DMRT1: variants seen among roughly 807,000 people sequenced by gnomAD.
DMRT1 encodes doublesex- and mab-3-related transcription factor 1.
A neutral mutation model predicts 32.3 loss-of-function variants in DMRT1; 7 were observed. The ratio of observed to expected loss-of-function variants is 0.22; its 90% CI spans 0.12 to 0.41. DMRT1 has a LOEUF of 0.41. Ranked by LOEUF, DMRT1 falls within the 10% of genes least tolerant of loss-of-function variation. The pLI is 1.00. For missense variants in DMRT1, 625 were observed against 500.5 expected (o/e 1.25, Z -2.37); for synonymous variants, 278 against 206.1 (o/e 1.35, Z -2.99).
chr9:873,185 C>G (rs1589481939), intron 2 of DMRT1, among the ~76,000 whole-genome samples: 1 of 152,204 alleles, frequency 6.6e-6, no homozygotes, highest in Non-Finnish European at 1.5e-5. Context: ...TGCATCTTCT[C>G]ATGCACTTTG....
intron 2 of DMRT1, among the ~76,000 whole-genome samples, chr9:849,625 G>T (rs1323265): frequency 0.018 from 2,701 of 152,116 alleles, 67 homozygotes; most frequent in African/African-American, 0.055. Flanking sequence ...GAGGGTTCAG[G>T]GTCAAGGAGG....
intron 3 of DMRT1, among the ~76,000 whole-genome samples, chr9:908,013 A>G (rs1465255256): frequency 3.3e-5 from 5 of 152,214 alleles, no homozygotes; most frequent in Non-Finnish European, 7.3e-5. Flanking sequence ...TGAACAACAC[A>G]AGTTAAAAAA....
intron 4 of DMRT1, among the ~76,000 whole-genome samples, chr9:938,697 A>G (rs1042061288): frequency 5.3e-5 from 8 of 152,172 alleles, no homozygotes; most frequent in African/African-American, 1.7e-4. Context: ...GTGAACAAAG[A>G]TAATTGTACT....
rs1478786454 is a variant in DMRT1 at position 858,864 on chromosome 9, AAAAAAAATATAT to A, written c.538+11723_538+11734del. ...ACTCCAGTCTGTCTCAAAAAAAAAA[AAAAAAAATATAT>A]ATATATATATATATATATTTATCAT... is the stretch of plus-strand genomic sequence containing the variant. On this transcript the variant is annotated intron_variant, in intron 2 of 4. Coordinates refer to ENST00000382276, the MANE Select transcript of DMRT1 (RefSeq NM_021951.3). Among the ~76,000 whole-genome samples, 78 of 29,048 alleles carry A rather than the reference AAAAAAAATATAT, an allele frequency of 2.7e-3. 1 individual carries two copies. The highest frequency in any genetic ancestry group is 5.3e-3 in the African/African-American group (67 of 12,678). 19.1% of individuals were successfully genotyped at this position (29,048 alleles called of 152,430 possible). A position where few individuals can be genotyped will look rare whatever the true frequency, so the allele number is the denominator to read the frequency against.
intron 1 of DMRT1, among the ~76,000 whole-genome samples, chr9:846,040 T>C (rs923155892): frequency 7.9e-5 from 12 of 151,766 alleles, no homozygotes; most frequent in Non-Finnish European, 1.5e-4. Context: ...CCTTTTTTTT[T>C]TTTTTTTTGG....
chr9:923,402 A>T (rs10739185), intron 4 of DMRT1, among the ~76,000 whole-genome samples: 1 of 151,896 alleles, frequency 6.6e-6, no homozygotes, highest in East Asian at 1.9e-4. Flanking sequence ...GGCAGTACCA[A>T]ATGCTTCCCT....
chr9:894,906 T>G (rs1440644308), intron 3 of DMRT1: 2 of 152,376 alleles, frequency 1.3e-5, no homozygotes, highest in African/African-American at 4.8e-5. Context: ...TTCTGCCTCC[T>G]GGGTTCAAGT....
chr9:844,884 T>C (rs1564191508), intron 1 of DMRT1, among the ~76,000 whole-genome samples: 1 of 151,720 alleles, frequency 6.6e-6, no homozygotes, highest in Non-Finnish European at 1.5e-5. Flanking sequence ...CCACACCCGG[T>C]TAATTTTTGT....
intron 2 of DMRT1, among the ~76,000 whole-genome samples, chr9:872,648 C>T (rs1816324046): frequency 6.6e-6 from 1 of 152,220 alleles, no homozygotes; most frequent in Non-Finnish European, 1.5e-5. Context: ...TAGCATGTTT[C>T]AGGACATCAG....
intron 4 of DMRT1, among the ~76,000 whole-genome samples, chr9:958,906 A>G (rs1374121631): frequency 1.3e-5 from 2 of 152,138 alleles, no homozygotes; most frequent in African/African-American, 4.8e-5. Flanking sequence ...CCAAAACTGT[A>G]ATCCTTTTTC....
intron 3 of DMRT1, among the ~76,000 whole-genome samples, chr9:913,275 C>G (rs565121580): frequency 6.6e-6 from 1 of 152,282 alleles, no homozygotes; most frequent in South Asian, 2.1e-4. Context: ...ATGTGACAAA[C>G]TCAGCCCCCA....
In DMRT1 at chr9:968,223, C is replaced by G. The variant is rs1166031277; in HGVS notation, c.*84C>G. The G allele has an allele frequency of 1.3e-5, 19 of 1,498,364 alleles. No individual in the cohort carries two copies. Among genetic ancestry groups the G allele is most frequent in the Non-Finnish European group, 1.6e-5 (18 of 1,093,440 alleles). The allele number at this position is 1,498,364 out of a possible 1,614,324, so 92.8% of individuals were successfully genotyped here. On this transcript the variant is annotated 3_prime_UTR_variant, in exon 5 of 5. Coordinates refer to ENST00000382276, the MANE Select transcript of DMRT1 (RefSeq NM_021951.3). ...GGGGTTTGTTAATATTTTGCATTGA[C>G]TCATACTATCTTAACTGTTGAGAAC...
chr9:855,599 G>C (rs1304821666), intron 2 of DMRT1, among the ~76,000 whole-genome samples: 1 of 152,206 alleles, frequency 6.6e-6, no homozygotes, highest in Non-Finnish European at 1.5e-5. Context: ...TTTTTGTTCT[G>C]TGATATTTTA....
chr9:957,341 A>G (rs934590961), intron 4 of DMRT1, among the ~76,000 whole-genome samples: 9 of 152,252 alleles, frequency 5.9e-5, no homozygotes, highest in Non-Finnish European at 1.3e-4. Context: ...TCTTGGGGCT[A>G]ATTGGACAGA....
chr9:849,467 A>G (rs1190258225), intron 2 of DMRT1, among the ~76,000 whole-genome samples: 1 of 152,250 alleles, frequency 6.6e-6, no homozygotes, highest in Non-Finnish European at 1.5e-5. Flanking sequence ...TGGATGTGGC[A>G]TAACATCAAG....
intron 4 of DMRT1, among the ~76,000 whole-genome samples, chr9:952,871 G>T (rs1358273686): frequency 6.6e-6 from 1 of 152,162 alleles, no homozygotes; most frequent in Non-Finnish European, 1.5e-5. Flanking sequence ...GTGACCAAAT[G>T]TTGGCGTGTT....
chr9:906,650 C>G (rs1360014680), intron 3 of DMRT1, among the ~76,000 whole-genome samples: 2 of 152,096 alleles, frequency 1.3e-5, no homozygotes, highest in African/African-American at 4.8e-5. Flanking sequence ...GTTCTGAAAT[C>G]AAAGTTCCTA....
At chr9:953,574 C>G (rs369899463) in intron 4 of DMRT1, among the ~76,000 whole-genome samples, 1 of 151,872 alleles carries the variant, frequency 6.6e-6, no homozygotes, top group Admixed American at 6.5e-5. Flanking sequence ...CTGACCCATT[C>G]TTGAGGTTTT....
At chr9:859,388 C>T (rs747606951) in intron 2 of DMRT1, among the ~76,000 whole-genome samples, 4 of 152,056 alleles carry the variant, frequency 2.6e-5, no homozygotes, top group Non-Finnish European at 5.9e-5. Flanking sequence ...CTAGGAGTGC[C>T]CTTAGTTGTA....
Sources: allele counts gnomAD v4.1 joint callset (sites outside exome capture counted in the v4.1 genomes callset), GRCh38; gene constraint gnomAD v4.1.1; transcripts MANE v1.5; gene names NCBI Gene and HGNC (gene_info 2026-07-23, HGNC 2026-07-21).